The following FAF1 variants were observed in gnomAD, a reference collection of about 807,000 sequenced individuals.
The protein encoded by FAF1 is FAS-associated factor 1.
FAF1 carries 25 observed loss-of-function variants against 92.5 expected under a neutral mutation model. The ratio of observed to expected loss-of-function variants is 0.27; its 90% CI spans 0.20 to 0.38. The LOEUF (loss-of-function observed/expected upper bound fraction) is 0.38, where lower values mean the gene tolerates loss of function less well. Among genes scored for constraint, FAF1 ranks in the 10% least tolerant of loss-of-function variants. FAF1 has a pLI of 1.00. For synonymous variants in FAF1, 234 were observed against 273.2 expected (o/e 0.86, Z 1.42); for missense variants, 636 against 793.3 (o/e 0.80, Z 2.38).
intron 2 of FAF1, among the ~76,000 whole-genome samples, chr1:50,845,314 C>G (rs1173456757): frequency 6.6e-6 from 1 of 152,186 alleles, no homozygotes; most frequent in East Asian, 1.9e-4. Context: ...CCAGAACACT[C>G]TCTCTCTGCA....
chr1:50,602,577 A>G (rs1433717763), intron 8 of FAF1, among the ~76,000 whole-genome samples: 18 of 149,094 alleles, frequency 1.2e-4, no homozygotes, highest in Non-Finnish European at 1.5e-5. Flanking sequence ...ATCTCAGCTC[A>G]CTGCAACCTC....
chr1:50,671,541 A>C (rs1354088249), intron 7 of FAF1, among the ~76,000 whole-genome samples: 1 of 152,190 alleles, frequency 6.6e-6, no homozygotes. Flanking sequence ...ACTGTAATAG[A>C]TAATGTTAAC....
intron 12 of FAF1, among the ~76,000 whole-genome samples, chr1:50,574,569 G>A (rs1019423490): frequency 2.6e-5 from 4 of 152,152 alleles, no homozygotes; most frequent in African/African-American, 9.7e-5. Context: ...ATGACAAAAG[G>A]AGTGCGAATG....
chr1:50,641,246 T>C (rs911194534), intron 8 of FAF1, among the ~76,000 whole-genome samples: 1 of 152,200 alleles, frequency 6.6e-6, no homozygotes, highest in African/African-American at 2.4e-5. Flanking sequence ...TTGGATTTAA[T>C]TTGCTCTTCT....
At chr1:50,941,974 A>G (rs1427575205) in intron 1 of FAF1, among the ~76,000 whole-genome samples, 1 of 152,188 alleles carries the variant, frequency 6.6e-6, no homozygotes, top group Non-Finnish European at 1.5e-5. Context: ...TACCCATTTG[A>G]GAAAATGTGG....
chr1:50,947,126 C>T lies in FAF1; in HGVS notation c.45+12641G>A, dbSNP rs1469948622. Among the ~76,000 whole-genome samples the T allele has an allele frequency of 2.0e-5, 3 of 152,214 alleles. No individual in the cohort carries two copies. In the East Asian group the frequency reaches 5.8e-4, roughly 29 times the overall value. On this transcript the variant is annotated intron_variant, in intron 1 of 18. Coordinates refer to ENST00000396153, the MANE Select transcript of FAF1 (RefSeq NM_007051.3). ...AAAGCTAGAAGTTACTGCTATTACT[C>T]TTTCCCTATTAAAGAAAGGATACAT...
chr1:50,670,251 TTTGTTTG>T (rs1655813980), intron 7 of FAF1, among the ~76,000 whole-genome samples: 2 of 152,238 alleles, frequency 1.3e-5, no homozygotes, highest in East Asian at 3.8e-4. Flanking sequence ...TTTGTATTTT[TTTGTTTG>T]TTTGTTTTTT....
intron 7 of FAF1, among the ~76,000 whole-genome samples, chr1:50,686,816 G>C (rs1477443743): frequency 6.6e-6 from 1 of 152,066 alleles, no homozygotes; most frequent in Non-Finnish European, 1.5e-5. Flanking sequence ...TTGGTATATT[G>C]AAACTTGTTT....
intron 12 of FAF1, among the ~76,000 whole-genome samples, chr1:50,572,643 T>C (rs1384212561): frequency 6.6e-6 from 1 of 152,208 alleles, no homozygotes; most frequent in African/African-American, 2.4e-5. Flanking sequence ...AATTCCTGCT[T>C]TGCCATTGCC....
chr1:50,739,442 G>T (rs1310764030), intron 5 of FAF1, among the ~76,000 whole-genome samples: 3 of 151,850 alleles, frequency 2.0e-5, no homozygotes, highest in Admixed American at 2.0e-4. Flanking sequence ...GTGTATATAT[G>T]TGTATACACA....
At chr1:50,779,991 G>GACAC (rs57528056) in intron 4 of FAF1, among the ~76,000 whole-genome samples, 1,871 of 145,510 alleles carry the variant, frequency 0.013, 20 homozygotes, top group Middle Eastern at 0.031. Context: ...CAGACAGACA[G>GACAC]ACACACACAC....
intron 1 of FAF1, among the ~76,000 whole-genome samples, chr1:50,876,244 G>A (rs894670022): frequency 6.6e-6 from 1 of 152,130 alleles, no homozygotes; most frequent in Non-Finnish European, 1.5e-5. Flanking sequence ...AAAACATTAT[G>A]GCCAAAGACA....
At chr1:50,841,419 T>C (rs1644255115) in intron 2 of FAF1, among the ~76,000 whole-genome samples, 1 of 151,924 alleles carries the variant, frequency 6.6e-6, no homozygotes, top group African/African-American at 2.4e-5. Flanking sequence ...GTGCCAAAAG[T>C]TGTAGTGTAA....
chr1:50,815,713 A>G (rs972589791), intron 2 of FAF1, among the ~76,000 whole-genome samples: 1 of 152,064 alleles, frequency 6.6e-6, no homozygotes, highest in African/African-American at 2.4e-5. Flanking sequence ...AGCATCTGTT[A>G]TTTTTTTACT....
intron 17 of FAF1, among the ~76,000 whole-genome samples, chr1:50,488,693 T>C (rs111549412): frequency 1.3e-5 from 2 of 152,202 alleles, no homozygotes; most frequent in African/African-American, 4.8e-5. Context: ...AGTCATAAAG[T>C]CCTGGATGAG....
At position 50,808,607 on chromosome 1, in the gene FAF1, A is replaced by G. The variant is rs12097096; in HGVS notation, c.115-6930T>C. Among the ~76,000 whole-genome samples the G allele has an allele frequency of 9.9e-3, 1,501 of 151,710 alleles. 24 individuals are homozygous for G. The highest frequency in any genetic ancestry group is 0.034 in the African/African-American group (1,423 of 41,328). ...AGCAAACAAAAACTCAACAAAGCAG[A>G]GGTTGCTGTTCTAATTTCAGATAAA... is the stretch of plus-strand genomic sequence containing the variant. On this transcript the variant is annotated intron_variant, in intron 2 of 18. Coordinates refer to ENST00000396153, the MANE Select transcript of FAF1 (RefSeq NM_007051.3).
chr1:50,812,456 AGAAAGCATAC>A (rs1389480102), intron 2 of FAF1, among the ~76,000 whole-genome samples: 1 of 152,248 alleles, frequency 6.6e-6, no homozygotes, highest in Non-Finnish European at 1.5e-5. Flanking sequence ...ACATGCAGCC[AGAAAGCATAC>A]GAAAAAATGC....
chr1:50,697,246 AG>A (rs1657273375), intron 7 of FAF1, among the ~76,000 whole-genome samples: 1 of 152,244 alleles, frequency 6.6e-6, no homozygotes, highest in African/African-American at 2.4e-5. Flanking sequence ...GTGGAAGAAT[AG>A]TGCCTAATGC....
intron 6 of FAF1, among the ~76,000 whole-genome samples, chr1:50,716,874 C>T (rs567927135): frequency 3.3e-4 from 51 of 152,306 alleles, no homozygotes; most frequent in African/African-American, 1.2e-3. Flanking sequence ...TCCCCTTCCA[C>T]GCTGTGGAAG....
Sources: allele counts gnomAD v4.1 joint callset (sites outside exome capture counted in the v4.1 genomes callset), GRCh38; gene constraint gnomAD v4.1.1; transcripts MANE v1.5; gene names NCBI Gene and HGNC (gene_info 2026-07-23, HGNC 2026-07-21).